Variants in ULK4 observed in about 807,000 individuals in gnomAD.
ULK4 encodes inactive serine/threonine-protein kinase ULK4.
Under a neutral mutation model 160.6 loss-of-function variants are expected in ULK4, and 133 were observed. The observed-to-expected ratio is 0.83, with a 90% CI of 0.72 to 0.96. The LOEUF (loss-of-function observed/expected upper bound fraction) is 0.96. Among genes scored for constraint, ULK4 ranks in the 40% least tolerant of loss-of-function variants. The pLI is 0.00. For synonymous variants in ULK4, 534 were observed against 539.8 expected, an observed-to-expected ratio of 0.99 and a Z score of 0.15; for missense variants, 1,580 against 1,499.5, an observed-to-expected ratio of 1.05 and a Z score of -0.89.
Position 41,720,952 on chromosome 3 carries a change from GGGTA to G in ULK4, c.2322-3095_2322-3092del, listed in dbSNP as rs542581820. Among the ~76,000 whole-genome samples, 114 of 152,134 alleles carry G rather than the reference GGGTA, an allele frequency of 7.5e-4. 1 individual carries two copies. Among genetic ancestry groups the G allele is most frequent in the Middle Eastern group, 3.4e-3 (1 of 294 alleles). On this transcript the variant is annotated intron_variant, in intron 22 of 36. Transcript: ENST00000301831. Reference sequence around the variant, plus strand: ...TGCTATTTATAACATCAAAAAATTGGGGTAGGAAGTATTTAGCAAAAGGGAACTG... The same window carrying G: ...TGCTATTTATAACATCAAAAAATTGGGGAAGTATTTAGCAAAAGGGAACTG...
intron 32 of ULK4, among the ~76,000 whole-genome samples, chr3:41,534,144 C>T (rs767548252): frequency 6.6e-5 from 10 of 152,150 alleles, no homozygotes; most frequent in Admixed American, 2.0e-4. Context: ...CCAAACAATC[C>T]TTATAGTGAT....
chr3:41,905,478 CG>C lies in ULK4; in HGVS notation c.1182+2366del, dbSNP rs150012902. Among the ~76,000 whole-genome samples, 999 of 151,536 alleles carry C rather than the reference CG, an allele frequency of 6.6e-3. 9 individuals are homozygous for C. The highest frequency in any genetic ancestry group is 0.023 in the African/African-American group (965 of 41,306). On this transcript the variant is annotated intron_variant, in intron 12 of 36. Transcript: ENST00000301831. ...AAGCACAAGCAGCAAAAAACACAAA[CG>C]AAAAAAGATAAATTGGACTATATCA...
intron 31 of ULK4, among the ~76,000 whole-genome samples, chr3:41,568,376 T>G (rs965760640): frequency 6.6e-6 from 1 of 152,210 alleles, no homozygotes. Flanking sequence ...GAAGTAGACA[T>G]ATGTTTATTC....
intron 35 of ULK4, among the ~76,000 whole-genome samples, chr3:41,263,076 A>G (rs1488448701): frequency 5.3e-5 from 8 of 152,218 alleles, no homozygotes; most frequent in Non-Finnish European, 1.2e-4. Flanking sequence ...ACGAGAGCAT[A>G]GATTTCTAAG....
At chr3:41,920,925 CA>C (rs1293067944) in intron 5 of ULK4, among the ~76,000 whole-genome samples, 3 of 152,194 alleles carry the variant, frequency 2.0e-5, no homozygotes, top group Non-Finnish European at 4.4e-5. Flanking sequence ...GCACTCTGTC[CA>C]ACACTTAATA....
intron 35 of ULK4, among the ~76,000 whole-genome samples, chr3:41,273,972 C>A (rs1380603498): frequency 1.3e-5 from 2 of 152,144 alleles, no homozygotes; most frequent in African/African-American, 4.8e-5. Context: ...CCTTAACCTG[C>A]AAAACCGTGG....
intron 32 of ULK4, among the ~76,000 whole-genome samples, chr3:41,523,875 T>C (rs1410188355): frequency 1.3e-5 from 2 of 152,192 alleles, no homozygotes; most frequent in African/African-American, 4.8e-5. Context: ...GGAAACAACC[T>C]ATATTCTATC....
chr3:41,682,922 A>G (rs931471422), intron 27 of ULK4, among the ~76,000 whole-genome samples: 1 of 152,234 alleles, frequency 6.6e-6, no homozygotes, highest in Non-Finnish European at 1.5e-5. Context: ...TAAGACTGAA[A>G]CAAACGATCT....
intron 31 of ULK4, among the ~76,000 whole-genome samples, chr3:41,574,531 CTTTTTTTTTTTTTTT>C (rs568406782): frequency 0.42 from 38,723 of 92,668 alleles, 6,416 homozygotes; most frequent in African/African-American, 0.5. Context: ...CCAGAGTCCT[CTTTTTTTTTTTTTTT>C]TTTTTTTTTT....
In ULK4 at chr3:41,641,989, C is replaced by T. The variant is rs543609248; in HGVS notation, c.3071+21618G>A. 1.7e-4 allele frequency among the ~76,000 whole-genome samples: 26 copies of T among 151,598 alleles called. No homozygotes were observed. In the Middle Eastern group the frequency reaches 0.017, roughly 100 times the overall value. ...CTCCCAGGTTCAAGTGGTTCTCGTG[C>T]CTCAGCCTCCCAAGTAGCTGGAATT... On this transcript the variant is annotated intron_variant, in intron 30 of 36. Coordinates refer to ENST00000301831, the MANE Select transcript of ULK4 (RefSeq NM_017886.4).
intron 18 of ULK4, among the ~76,000 whole-genome samples, chr3:41,828,430 T>G: frequency 6.8e-6 from 1 of 147,840 alleles, no homozygotes. Context: ...CTCCTTAAGC[T>G]GATAAGCAAC....
chr3:41,453,470 C>T (rs1183223678), intron 34 of ULK4, among the ~76,000 whole-genome samples: 2 of 152,342 alleles, frequency 1.3e-5, no homozygotes, highest in African/African-American at 2.4e-5. Context: ...AGCCACCACA[C>T]CTGGCCTGTA....
intron 18 of ULK4, among the ~76,000 whole-genome samples, chr3:41,831,531 A>ATATATATATATTTTTTTTTTTTTT: frequency 7.2e-6 from 1 of 138,066 alleles, no homozygotes; most frequent in East Asian, 2.1e-4. Flanking sequence ...ATATATATAT[A>ATATATATATATTTTTTTTTTTTTT]TTTTTTTTTC....
At chr3:41,564,446 CTTCTTTT>C (rs1359664724) in intron 32 of ULK4, among the ~76,000 whole-genome samples, 11 of 121,474 alleles carry the variant, frequency 9.1e-5, no homozygotes, top group East Asian at 8.3e-4. Flanking sequence ...TCTTCTTCTT[CTTCTTTT>C]TTTTTTTTTT....
intron 35 of ULK4, among the ~76,000 whole-genome samples, chr3:41,310,171 T>C (rs963976326): frequency 1.3e-5 from 2 of 152,234 alleles, no homozygotes; most frequent in African/African-American, 4.8e-5. Flanking sequence ...TATCCTTAGA[T>C]ATACTGGCAT....
At chr3:41,915,259 A>G (rs893660483) in intron 8 of ULK4, 1 of 152,228 alleles carries the variant, frequency 6.6e-6, no homozygotes, top group African/African-American at 2.4e-5. Context: ...TACAAAAATC[A>G]GCATTTCCTT....
At chr3:41,520,950 C>T (rs2085911318) in intron 32 of ULK4, among the ~76,000 whole-genome samples, 1 of 152,118 alleles carries the variant, frequency 6.6e-6, no homozygotes, top group Non-Finnish European at 1.5e-5. Context: ...TTTATATATT[C>T]AGGATATTAA....
chr3:41,598,792 G>A (rs374178797), intron 31 of ULK4, among the ~76,000 whole-genome samples: 37 of 152,174 alleles, frequency 2.4e-4, no homozygotes, highest in Non-Finnish European at 4.4e-4. Flanking sequence ...AATAGTAAGT[G>A]GTATTATGTA....
chr3:41,276,174 G>A (rs1433753527), intron 35 of ULK4, among the ~76,000 whole-genome samples: 1 of 152,226 alleles, frequency 6.6e-6, no homozygotes, highest in African/African-American at 2.4e-5. Flanking sequence ...GCACTGACTA[G>A]TTGGTTCTTT....
Sources: allele counts gnomAD v4.1 joint callset (sites outside exome capture counted in the v4.1 genomes callset), GRCh38; gene constraint gnomAD v4.1.1; transcripts MANE v1.5; gene names NCBI Gene and HGNC (gene_info 2026-07-23, HGNC 2026-07-21).